The following EFR3B variants were observed in gnomAD, a reference collection of about 807,000 sequenced individuals.
The protein encoded by EFR3B is protein EFR3 homolog B.
EFR3B carries 64 observed loss-of-function variants against 104.7 expected under a neutral mutation model. The observed-to-expected ratio is 0.61, with a 90% CI of 0.50 to 0.75. EFR3B has a LOEUF of 0.75. Among genes scored for constraint, EFR3B ranks in the 30% least tolerant of loss-of-function variants. The pLI, the probability that EFR3B is intolerant of heterozygous loss-of-function variation, is 0.00. For missense variants in EFR3B, 750 were observed against 1,078.5 expected, an observed-to-expected ratio of 0.70 and a Z score of 4.27; for synonymous variants, 385 against 417.9, an observed-to-expected ratio of 0.92 and a Z score of 0.96.
rs975758937 is a variant in EFR3B at position 25,081,641 on chromosome 2, G to A, written c.8-9684G>A. ...AGGGCTGTCCAGAGAAGGTGGCCCC[G>A]AAGGGTAGCTGCGGCCAACAGCTGG... On this transcript the variant is annotated intron_variant, in intron 1 of 22. Transcript: ENST00000403714. 18 of 660,602 alleles carry A rather than the reference G, an allele frequency of 2.7e-5. No homozygotes were observed. In the Admixed American group the frequency reaches 3.0e-4, roughly 11 times the overall value. 40.9% of individuals were successfully genotyped at this position (660,602 alleles called of 1,614,324 possible). A position where few individuals can be genotyped will look rare whatever the true frequency, so the allele number is the denominator to read the frequency against.
intron 1 of EFR3B, among the ~76,000 whole-genome samples, chr2:25,053,482 C>T (rs1218334293): frequency 6.6e-6 from 1 of 152,204 alleles, no homozygotes. Flanking sequence ...CACACACACA[C>T]CTGGATGGGC....
At chr2:25,070,007 CTT>C (rs1668450848) in intron 1 of EFR3B, among the ~76,000 whole-genome samples, 1 of 152,126 alleles carries the variant, frequency 6.6e-6, no homozygotes, top group Admixed American at 6.5e-5. Context: ...AGGGTTGTAA[CTT>C]TTGATTCATC....
At chr2:25,116,789 G>A (rs4665284) in intron 4 of EFR3B, among the ~76,000 whole-genome samples, 36,144 of 151,902 alleles carry the variant, frequency 0.24, 5,594 homozygotes, top group East Asian at 0.52. Flanking sequence ...AGATTCAGGA[G>A]AAACTGCTGA....
At chr2:25,097,070 TA>T (rs1470263666) in intron 3 of EFR3B, among the ~76,000 whole-genome samples, 2 of 152,150 alleles carry the variant, frequency 1.3e-5, no homozygotes, top group African/African-American at 4.8e-5. Flanking sequence ...GCTCCAACAT[TA>T]AACATTTAAT....
chr2:25,111,213 T>A (rs1326923952), intron 4 of EFR3B, among the ~76,000 whole-genome samples: 1 of 152,228 alleles, frequency 6.6e-6, no homozygotes, highest in Non-Finnish European at 1.5e-5. Context: ...GATCCCGGCC[T>A]AGGGTGTGGC....
chr2:25,143,633 C>G (rs1021847965), intron 17 of EFR3B, 102 bp from the exon 18 acceptor site: 5 of 1,421,312 alleles, frequency 3.5e-6, no homozygotes, highest in Non-Finnish European at 4.7e-6. Context: ...ACACTCCAGC[C>G]TGGGCGACAA....
At chr2:25,148,025 C>CAAA (rs58788213) in intron 19 of EFR3B, 165 of 71,262 alleles carry the variant, frequency 2.3e-3, no homozygotes, top group East Asian at 3.8e-3. Flanking sequence ...AACTCCATCT[C>CAAA]AAAAAAAAAA....
At chr2:25,083,135 G>C (rs1460464314) in intron 1 of EFR3B, among the ~76,000 whole-genome samples, 2 of 152,186 alleles carry the variant, frequency 1.3e-5, no homozygotes, top group South Asian at 4.1e-4. Flanking sequence ...GCCATATCAC[G>C]TTTCCCTCTC....
At chr2:25,076,812 C>T (rs1425343620) in intron 1 of EFR3B, among the ~76,000 whole-genome samples, 1 of 152,162 alleles carries the variant, frequency 6.6e-6, no homozygotes, top group Non-Finnish European at 1.5e-5. Flanking sequence ...TGGCCGGAAA[C>T]GGGTGAGTGT....
intron 1 of EFR3B, among the ~76,000 whole-genome samples, chr2:25,065,819 C>G (rs574431870): frequency 6.6e-6 from 1 of 152,190 alleles, no homozygotes; most frequent in Non-Finnish European, 1.5e-5. Context: ...CCCAGCCCAC[C>G]CGTGTCACAC....
At position 25,148,261 on chromosome 2, in the gene EFR3B, T is replaced by A. The variant is rs111575608; in HGVS notation, c.2143-1433T>A. Among the ~76,000 whole-genome samples, 534 of 139,858 alleles carry A rather than the reference T, an allele frequency of 3.8e-3. 1 individual carries two copies. The highest frequency in any genetic ancestry group is 0.012 in the African/African-American group (441 of 38,334). The allele number at this position is 139,858 out of a possible 152,430, so 91.8% of individuals were successfully genotyped here. ...GGGGAGGGCCGGTCACTTCTTTTTT[T>A]AAAAAAAAAAAAAACAGAGTCTCCC... is the stretch of plus-strand genomic sequence containing the variant. On this transcript the variant is annotated intron_variant, in intron 19 of 22. Transcript: ENST00000403714.
At chr2:25,056,522 C>T (rs1415066122) in intron 1 of EFR3B, among the ~76,000 whole-genome samples, 1 of 150,492 alleles carries the variant, frequency 6.6e-6, no homozygotes, top group Admixed American at 6.7e-5. Context: ...TGCCTGGAAG[C>T]AGCCAGCTGG....
chr2:25,057,119 T>C (rs1668042911), intron 1 of EFR3B, among the ~76,000 whole-genome samples: 1 of 152,144 alleles, frequency 6.6e-6, no homozygotes, highest in Non-Finnish European at 1.5e-5. Flanking sequence ...TCAGGTTCTT[T>C]ATGTAACCTG....
At chr2:25,074,336 C>T (rs776531860) in intron 1 of EFR3B, among the ~76,000 whole-genome samples, 39 of 152,040 alleles carry the variant, frequency 2.6e-4, no homozygotes, top group East Asian at 1.9e-4. Context: ...GAGGCCGAGG[C>T]GGATGGATCA....
intron 1 of EFR3B, among the ~76,000 whole-genome samples, chr2:25,053,535 C>T (rs1030653028): frequency 6.6e-6 from 1 of 152,194 alleles, no homozygotes; most frequent in African/African-American, 2.4e-5. Flanking sequence ...AGTGCTTGGC[C>T]TGGAGAAGAG....
chr2:25,094,353 G>A (rs1292327861), intron 3 of EFR3B, among the ~76,000 whole-genome samples: 5 of 149,694 alleles, frequency 3.3e-5, no homozygotes, highest in Middle Eastern at 3.4e-3. Flanking sequence ...AAGTATATTC[G>A]AAAATTAAGA....
At chr2:25,142,165 G>A (rs945600851) in intron 17 of EFR3B, among the ~76,000 whole-genome samples, 1 of 151,522 alleles carries the variant, frequency 6.6e-6, no homozygotes, top group Non-Finnish European at 1.5e-5. Flanking sequence ...TGCCCGGGCT[G>A]GGCACAGTGA....
chr2:25,145,081 G>A lies in EFR3B; in HGVS notation c.2142+30G>A, dbSNP rs986088311. ...GTGTCCGTGCCACCGTCCTGGGGCA[G>A]CCCCACCTCCTGTAGATTGGACGCT... On this transcript the variant is annotated intron_variant, in intron 19 of 22. Transcript: ENST00000403714. 5 of 1,544,740 alleles carry A rather than the reference G, an allele frequency of 3.2e-6. No individual in the cohort carries two copies. The African/African-American group carries it at 4.1e-5, about 13-fold the overall frequency.
intron 3 of EFR3B, among the ~76,000 whole-genome samples, chr2:25,093,467 A>C (rs2917916): frequency 0.51 from 77,729 of 151,554 alleles, 20,539 homozygotes; most frequent in East Asian, 0.8. Context: ...GCATTCCAAC[A>C]TGGGTGACTC....
Sources: gnomAD v4.1 joint callset for allele counts (sites outside exome capture counted in the v4.1 genomes callset) on GRCh38, gnomAD v4.1.1 for gene constraint, MANE v1.5 for transcripts, NCBI Gene and HGNC (gene_info 2026-07-23, HGNC 2026-07-21) for gene names.